TAF4B: variants seen among roughly 807,000 people sequenced by gnomAD.
TAF4B encodes the protein transcription initiation factor TFIID subunit 4B.
Under a neutral mutation model 86.4 loss-of-function variants are expected in TAF4B, and 38 were observed. That is an observed-to-expected ratio of 0.44 (90% CI 0.34 to 0.58). TAF4B has a LOEUF of 0.58. TAF4B is among the 20% of genes least tolerant of loss of function. The probability of loss-of-function intolerance (pLI) is 0.02; values close to 1 mark genes in which losing one functional copy is unlikely to be tolerated. For synonymous variants in TAF4B, 388 were observed against 391.2 expected, an observed-to-expected ratio of 0.99 and a Z score of 0.10; for missense variants, 988 against 1,027.6, an observed-to-expected ratio of 0.96 and a Z score of 0.53.
At position 26,267,582 on chromosome 18, in the gene TAF4B, A is replaced by G; in HGVS notation, c.556A>G (p.Thr186Ala). ...TPVKKLAQIG[T>A]TVVTTVPKPS... is the part of the protein sequence containing the mutation. The stretch of plus-strand genomic sequence containing the variant: ...TGTTAAAAAATTGGCACAAATAGGA[A>G]CTACTGTGGTAACCACTGTTCCGAA... The change falls in exon 3 of 15, where the codon ACT (threonine) becomes GCT (alanine). Residue 186 changes from threonine (T) to alanine (A), a missense_variant. Coordinates refer to ENST00000269142, the MANE Select transcript of TAF4B (RefSeq NM_005640.3). 2 of 1,614,146 alleles carry G rather than the reference A, an allele frequency of 1.2e-6. No homozygotes were observed. The highest frequency in any genetic ancestry group is 1.7e-6 in the Non-Finnish European group (2 of 1,179,998).
intron 7 of TAF4B, among the ~76,000 whole-genome samples, chr18:26,287,764 T>C (rs2056542544): frequency 6.6e-6 from 1 of 152,218 alleles, no homozygotes; most frequent in Non-Finnish European, 1.5e-5. Flanking sequence ...GTTTGTTTTA[T>C]CAGAATAAGA....
intron 13 of TAF4B, among the ~76,000 whole-genome samples, chr18:26,354,188 C>G (rs942077696): frequency 6.6e-6 from 1 of 152,180 alleles, no homozygotes; most frequent in Non-Finnish European, 1.5e-5. Flanking sequence ...AATTCTCCTG[C>G]CTCAGCCTCC....
At position 26,281,864 on chromosome 18, in the gene TAF4B, T is replaced by G. The variant is rs2056453676; in HGVS notation, c.883-107T>G. On this transcript the variant is annotated intron_variant, in intron 5 of 14. Coordinates refer to ENST00000269142, the MANE Select transcript of TAF4B (RefSeq NM_005640.3). The stretch of plus-strand genomic sequence containing the variant: ...GAAAAAAGCCTATATTTAATTGACT[T>G]TATCATTTGTGAAAAGTTTGCTATG... 24 of 732,722 alleles carry G rather than the reference T, an allele frequency of 3.3e-5. No individual in the cohort carries two copies. In the South Asian group the frequency reaches 4.8e-4, roughly 15 times the overall value. 45.4% of individuals were successfully genotyped at this position (732,722 alleles called of 1,614,324 possible).
intron 7 of TAF4B, among the ~76,000 whole-genome samples, chr18:26,289,178 G>GAA (rs59357671): frequency 6.2e-4 from 1 of 1,620 alleles, no homozygotes; most frequent in Non-Finnish European, 0.012. Flanking sequence ...AATATTACTC[G>GAA]TTTGAAAGTA....
At chr18:26,361,605 C>T (rs1038256746) in intron 14 of TAF4B, among the ~76,000 whole-genome samples, 3 of 151,512 alleles carry the variant, frequency 2.0e-5, no homozygotes, top group Non-Finnish European at 2.9e-5. Context: ...ATTAGCTGGG[C>T]GTGGTGTCAT....
chr18:26,326,635 T>A (rs1448723036), intron 11 of TAF4B, among the ~76,000 whole-genome samples: 1 of 152,210 alleles, frequency 6.6e-6, no homozygotes, highest in African/African-American at 2.4e-5. Context: ...CTTATATTAA[T>A]GTCTGCTGAG....
intron 9 of TAF4B, among the ~76,000 whole-genome samples, chr18:26,301,833 G>C (rs1050091700): frequency 6.6e-6 from 1 of 152,128 alleles, no homozygotes; most frequent in Admixed American, 6.5e-5. Context: ...CTCCTCATGA[G>C]ATTGCCTAAT....
chr18:26,255,953 A>G (rs2056077846), intron 1 of TAF4B: 1 of 1,315,572 alleles, frequency 7.6e-7, no homozygotes, highest in Non-Finnish European at 1.1e-6. Context: ...GGTTACTGTA[A>G]CAAGGAGATT....
chr18:26,288,740 C>G (rs1471073425), intron 7 of TAF4B, among the ~76,000 whole-genome samples: 1 of 152,124 alleles, frequency 6.6e-6, no homozygotes, highest in Non-Finnish European at 1.5e-5. Context: ...GAAAGAACTT[C>G]TAGGTTTCTG....
chr18:26,304,896 C>T, intron 9 of TAF4B: 1 of 985,146 alleles, frequency 1.0e-6, no homozygotes, highest in Non-Finnish European at 1.2e-6. Context: ...AAATTTCTGA[C>T]TTATTACTTT....
intron 5 of TAF4B, among the ~76,000 whole-genome samples, chr18:26,276,484 C>T (rs1001593852): frequency 1.3e-5 from 2 of 152,052 alleles, no homozygotes; most frequent in African/African-American, 4.8e-5. Flanking sequence ...AAAAATTATC[C>T]CTTTTTCCAA....
At chr18:26,301,762 T>G (rs1285824472) in intron 9 of TAF4B, among the ~76,000 whole-genome samples, 1 of 152,206 alleles carries the variant, frequency 6.6e-6, no homozygotes, top group Non-Finnish European at 1.5e-5. Context: ...ATTAATAGGA[T>G]CATGGTCCAT....
chr18:26,234,318 C>T (rs2055716295), intron 1 of TAF4B, among the ~76,000 whole-genome samples: 1 of 152,216 alleles, frequency 6.6e-6, no homozygotes, highest in Non-Finnish European at 1.5e-5. Flanking sequence ...AAGACTGCCA[C>T]CTCCTTGGGT....
At chr18:26,242,546 A>G (rs2055856293) in intron 1 of TAF4B, among the ~76,000 whole-genome samples, 1 of 152,138 alleles carries the variant, frequency 6.6e-6, no homozygotes, top group Non-Finnish European at 1.5e-5. Context: ...CCAGTTTGCC[A>G]GTCTGTGTCT....
At chr18:26,326,379 A>G (rs1418603552) in intron 11 of TAF4B, among the ~76,000 whole-genome samples, 1 of 152,246 alleles carries the variant, frequency 6.6e-6, no homozygotes, top group Non-Finnish European at 1.5e-5. Flanking sequence ...TAAATTGTAT[A>G]CTAAATTTCT....
chr18:26,260,785 A>T lies in TAF4B; in HGVS notation c.344-4385A>T, dbSNP rs1485284174. ...TGTAATGACAGAAGTTCCGTTTTTT[A>T]AAAATAATATCTATCTCTAGTGATA... On this transcript the variant is annotated intron_variant, in intron 1 of 14. Transcript: ENST00000269142. Among the ~76,000 whole-genome samples the T allele has an allele frequency of 5.3e-5, 8 of 152,198 alleles. No individual in the cohort carries two copies. In the South Asian group the frequency reaches 1.4e-3, roughly 28 times the overall value.
chr18:26,311,733 G>A lies in TAF4B; in HGVS notation c.1833-3496G>A, dbSNP rs191662558. ...TCTATAGTGAGTAATGGAAGGAAGG[G>A]GGAAGAGTGCTAACTGTGGTCATTA... On this transcript the variant is annotated intron_variant, in intron 9 of 14. Transcript: ENST00000269142. 2.2e-4 allele frequency among the ~76,000 whole-genome samples: 34 copies of A among 152,260 alleles called. No homozygotes were observed. In the East Asian group the frequency reaches 5.8e-3, roughly 26 times the overall value.
At chr18:26,229,730 T>G (rs1266274795) in intron 1 of TAF4B, among the ~76,000 whole-genome samples, 4 of 152,112 alleles carry the variant, frequency 2.6e-5, no homozygotes, top group Admixed American at 2.6e-4. Context: ...CTCGAACTCC[T>G]GACCTCAAGT....
chr18:26,242,476 GTC>G (rs2055854916), intron 1 of TAF4B, among the ~76,000 whole-genome samples: 2 of 152,176 alleles, frequency 1.3e-5, no homozygotes, highest in African/African-American at 2.4e-5. Context: ...GCCTATGTGT[GTC>G]TCTGCACGTG....
Sources: gnomAD v4.1 joint callset for allele counts (sites outside exome capture counted in the v4.1 genomes callset) on GRCh38, gnomAD v4.1.1 for gene constraint, MANE v1.5 for transcripts, NCBI Gene and HGNC (gene_info 2026-07-23, HGNC 2026-07-21) for gene names.